Variants in ITPR1 observed in about 807,000 individuals in gnomAD.
ITPR1 encodes inositol 1,4,5-trisphosphate receptor type 1.
In ITPR1, 96 loss-of-function variants were observed where a neutral mutation model predicts 318.4. The observed-to-expected ratio is 0.30, with a 90% confidence interval of 0.26 to 0.36. ITPR1 has a LOEUF of 0.36. ITPR1 is among the 10% of genes least tolerant of loss of function. The pLI is 1.00. For synonymous variants in ITPR1, 1,312 were observed against 1,289.9 expected (o/e 1.02, Z -0.37); for missense variants, 2,440 against 3,460.2 (o/e 0.71, Z 7.40).
intron 25 of ITPR1, among the ~76,000 whole-genome samples, chr3:4,681,073 C>T (rs996961137): frequency 6.6e-5 from 10 of 152,170 alleles, no homozygotes; most frequent in Admixed American, 3.3e-4. Context: ...CTAGTGGTGA[C>T]GGGAGATGGT....
At chr3:4,676,061 G>A (rs1331655229) in intron 23 of ITPR1, among the ~76,000 whole-genome samples, 1 of 151,978 alleles carries the variant, frequency 6.6e-6, no homozygotes, top group Non-Finnish European at 1.5e-5. Context: ...TAAAATTTGG[G>A]CAGGGCATAG....
intron 4 of ITPR1, among the ~76,000 whole-genome samples, chr3:4,592,538 A>G (rs1357507506): frequency 6.6e-6 from 1 of 151,738 alleles, no homozygotes; most frequent in Non-Finnish European, 1.5e-5. Context: ...GTTGGCTCCC[A>G]TAACTGGCTG....
chr3:4,798,547 G>A (rs2048032498), intron 53 of ITPR1, among the ~76,000 whole-genome samples: 1 of 152,216 alleles, frequency 6.6e-6, no homozygotes, highest in Non-Finnish European at 1.5e-5. Flanking sequence ...GTTTGGTATT[G>A]TCTTTTAAAG....
chr3:4,508,455 G>GTTTT lies in ITPR1; in HGVS notation c.-16-8003_-16-8000dup, dbSNP rs4054897. Among the ~76,000 whole-genome samples, 1,140 of 125,688 alleles carry GTTTT rather than the reference G, an allele frequency of 9.1e-3. 18 individuals are homozygous for GTTTT. Among genetic ancestry groups the GTTTT allele is most frequent in the African/African-American group, 0.032 (1,079 of 33,212 alleles). The allele number at this position is 125,688 out of a possible 152,430, so 82.5% of individuals were successfully genotyped here. On this transcript the variant is annotated intron_variant, in intron 2 of 61. Coordinates refer to ENST00000649015, the MANE Select transcript of ITPR1 (RefSeq NM_001378452.1). ...GAATTCTGTGTAGGCGAAAATCAAG[G>GTTTT]TTTTTTTTTTTTTTTTTTTTTAAAT...
In ITPR1 at chr3:4,780,556, G is replaced by C. The variant is rs548023334; in HGVS notation, c.6387+911G>C. On this transcript the variant is annotated intron_variant, in intron 49 of 61. Coordinates refer to ENST00000649015, the MANE Select transcript of ITPR1 (RefSeq NM_001378452.1). Reference sequence around the variant, plus strand: ...GACTCTTTTTCCACGCTAATAAACTGTAACTGACAGACTTAAATGAGGGCA... The same window carrying C: ...GACTCTTTTTCCACGCTAATAAACTCTAACTGACAGACTTAAATGAGGGCA... Among the ~76,000 whole-genome samples, 3 of 152,276 alleles carry C rather than the reference G, an allele frequency of 2.0e-5. No homozygotes were observed. In the Middle Eastern group the frequency reaches 0.01, roughly 518 times the overall value.
At chr3:4,802,453 C>T (rs767218749) in intron 54 of ITPR1, among the ~76,000 whole-genome samples, 19 of 152,066 alleles carry the variant, frequency 1.2e-4, no homozygotes, top group Non-Finnish European at 2.4e-4. Flanking sequence ...GCTGTAGCGA[C>T]GCTTTGATTA....
At chr3:4,699,141 G>A (rs2094602877) in intron 34 of ITPR1, among the ~76,000 whole-genome samples, 1 of 151,898 alleles carries the variant, frequency 6.6e-6, no homozygotes, top group African/African-American at 2.4e-5. Flanking sequence ...TTGAGTCCAG[G>A]AGTTCGAGAC....
chr3:4,828,929 T>A (rs563291410), intron 60 of ITPR1, among the ~76,000 whole-genome samples: 1 of 152,068 alleles, frequency 6.6e-6, no homozygotes, highest in African/African-American at 2.4e-5. Context: ...GAAATCAGTA[T>A]CCCTAAAATT....
At chr3:4,834,844 G>T (rs565948957) in intron 60 of ITPR1, among the ~76,000 whole-genome samples, 1 of 152,166 alleles carries the variant, frequency 6.6e-6, no homozygotes, top group South Asian at 2.1e-4. Context: ...GGAAATTGAT[G>T]AATATAAGCT....
At chr3:4,678,482 T>G (rs535203450) in intron 24 of ITPR1, among the ~76,000 whole-genome samples, 7 of 152,198 alleles carry the variant, frequency 4.6e-5, no homozygotes, top group South Asian at 2.1e-4. Flanking sequence ...AGTCATTCTT[T>G]CCACGGGTAC....
chr3:4,695,182 A>G (rs2094538678), intron 33 of ITPR1, among the ~76,000 whole-genome samples: 1 of 152,238 alleles, frequency 6.6e-6, no homozygotes, highest in Non-Finnish European at 1.5e-5. Context: ...AATTGCTGTA[A>G]TAAGAAAGCA....
intron 4 of ITPR1, among the ~76,000 whole-genome samples, chr3:4,619,463 T>C (rs1316181470): frequency 6.6e-6 from 1 of 151,558 alleles, no homozygotes; most frequent in African/African-American, 2.4e-5. Flanking sequence ...CCTTTCTTCT[T>C]TCCTTACCTA....
intron 4 of ITPR1, among the ~76,000 whole-genome samples, chr3:4,598,329 A>G (rs970251496): frequency 2.6e-5 from 4 of 152,242 alleles, no homozygotes; most frequent in African/African-American, 7.2e-5. Flanking sequence ...GAATTAAAAA[A>G]TAAAGGCAGG....
chr3:4,673,570 TTTTGGTTTTTG>T (rs2094128706), intron 21 of ITPR1, among the ~76,000 whole-genome samples, 183 bp downstream of exon 21: 1 of 146,954 alleles, frequency 6.8e-6, no homozygotes, highest in South Asian at 2.5e-4. Context: ...ATGATTATGT[TTTTGGTTTTTG>T]TTTGTTTGTT....
chr3:4,742,670 G>A (rs2043795275), intron 44 of ITPR1, among the ~76,000 whole-genome samples: 1 of 152,008 alleles, frequency 6.6e-6, no homozygotes, highest in African/African-American at 2.4e-5. Flanking sequence ...TGTTGCTGAG[G>A]CTAGACTTGA....
At chr3:4,663,442 A>G (rs1342158893) in intron 16 of ITPR1, among the ~76,000 whole-genome samples, 1 of 152,186 alleles carries the variant, frequency 6.6e-6, no homozygotes, top group Non-Finnish European at 1.5e-5. Context: ...TCATTGAGGG[A>G]TATTGGTGAT....
intron 24 of ITPR1, among the ~76,000 whole-genome samples, chr3:4,679,455 G>A (rs1010669839): frequency 1.3e-5 from 2 of 152,170 alleles, no homozygotes; most frequent in South Asian, 4.1e-4. Flanking sequence ...TCAGTCTGAG[G>A]CCAAAAGCCG....
At chr3:4,626,906 C>A (rs551749183) in intron 4 of ITPR1, among the ~76,000 whole-genome samples, 1 of 152,266 alleles carries the variant, frequency 6.6e-6, no homozygotes, top group African/African-American at 2.4e-5. Context: ...GCAACCTCTG[C>A]TTCCCAGTTT....
intron 4 of ITPR1, among the ~76,000 whole-genome samples, chr3:4,546,241 CA>C (rs1398716123): frequency 6.6e-6 from 1 of 152,080 alleles, no homozygotes; most frequent in East Asian, 1.9e-4. Flanking sequence ...AGTTGGGGAG[CA>C]GAAAGTGTCT....
Sources: allele counts gnomAD v4.1 joint callset (sites outside exome capture counted in the v4.1 genomes callset), GRCh38; gene constraint gnomAD v4.1.1; transcripts MANE v1.5; gene names NCBI Gene and HGNC (gene_info 2026-07-23, HGNC 2026-07-21).